NIM1K: variants seen among roughly 807,000 people sequenced by gnomAD.
NIM1K encodes serine/threonine-protein kinase NIM1.
NIM1K carries 35 observed loss-of-function variants against 37.1 expected under a neutral mutation model. That is an observed-to-expected ratio of 0.94 (90% CI 0.72 to 1.25). The LOEUF (loss-of-function observed/expected upper bound fraction) is 1.25. Among genes scored for constraint, NIM1K ranks in the 50% most tolerant of loss-of-function variants. NIM1K has a pLI of 0.00. For synonymous variants in NIM1K, 234 were observed against 206.6 expected (o/e 1.13, Z -1.14); for missense variants, 564 against 548.0 (o/e 1.03, Z -0.29).
intron 1 of NIM1K, among the ~76,000 whole-genome samples, chr5:43,213,186 T>C (rs1405419902): frequency 1.9e-4 from 13 of 67,690 alleles, no homozygotes; most frequent in Admixed American, 1.3e-4. Flanking sequence ...TCTTTCTTTC[T>C]TTCTTTCTTT....
chr5:43,252,443 A>G (rs1013611223), intron 2 of NIM1K, among the ~76,000 whole-genome samples: 1 of 152,168 alleles, frequency 6.6e-6, no homozygotes, highest in Non-Finnish European at 1.5e-5. Flanking sequence ...CACCAAACCA[A>G]CTTGCCCAGA....
chr5:43,195,661 C>CAA lies in NIM1K; in HGVS notation c.-695+3268_-695+3269dup, dbSNP rs10556161. Among the ~76,000 whole-genome samples the CAA allele has an allele frequency of 1.5e-3, 164 of 112,038 alleles. 1 individual carries two copies. Among genetic ancestry groups the CAA allele is most frequent in the African/African-American group, 4.3e-3 (126 of 29,558 alleles). 73.5% of individuals were successfully genotyped at this position (112,038 alleles called of 152,430 possible). A position where few individuals can be genotyped will look rare whatever the true frequency, so the allele number is the denominator to read the frequency against. ...GGGAGACACAGAAAGACTCTGAATC[C>CAA]AAAAAAAAAAAAAAAAAAAGTGATT... On this transcript the variant is annotated intron_variant, in intron 1 of 3. Transcript: ENST00000326035.
intron 2 of NIM1K, among the ~76,000 whole-genome samples, chr5:43,260,422 A>AT (rs1753009760): frequency 1.3e-5 from 2 of 151,882 alleles, no homozygotes; most frequent in Non-Finnish European, 2.9e-5. Context: ...GTTTGTTGTC[A>AT]TTGTTTTTGT....
At chr5:43,276,773 A>G (rs1437094774) in intron 2 of NIM1K, among the ~76,000 whole-genome samples, 1 of 152,250 alleles carries the variant, frequency 6.6e-6, no homozygotes, top group Non-Finnish European at 1.5e-5. Context: ...GGTCTCATCA[A>G]GAAGTTCTCT....
At chr5:43,206,916 T>C in intron 1 of NIM1K, 1 of 770,222 alleles carries the variant, frequency 1.3e-6, no homozygotes. Flanking sequence ...ATTGTGTTGC[T>C]GGATCTTCAG....
chr5:43,213,472 G>A (rs1264942096), intron 1 of NIM1K, among the ~76,000 whole-genome samples: 2 of 151,298 alleles, frequency 1.3e-5, no homozygotes, highest in African/African-American at 4.9e-5. Flanking sequence ...TGGGATTACC[G>A]GCATGCACCA....
intron 2 of NIM1K, among the ~76,000 whole-genome samples, chr5:43,263,849 T>C (rs146788574): frequency 0.012 from 1,882 of 152,340 alleles, 48 homozygotes; most frequent in East Asian, 0.089. Context: ...TCAAAGGACA[T>C]CTTTATTTCT....
chr5:43,202,226 C>A (rs1211623021), intron 1 of NIM1K, among the ~76,000 whole-genome samples: 1 of 151,966 alleles, frequency 6.6e-6, no homozygotes, highest in Non-Finnish European at 1.5e-5. Context: ...CTCTGTCATG[C>A]AGACTGGAGT....
chr5:43,253,682 C>T (rs1211820960), intron 2 of NIM1K, among the ~76,000 whole-genome samples: 6 of 148,954 alleles, frequency 4.0e-5, no homozygotes, highest in Non-Finnish European at 5.9e-5. Context: ...TTTTTTGAGA[C>T]GGAGTCTTGC....
chr5:43,270,303 T>A (rs550341732), intron 2 of NIM1K, among the ~76,000 whole-genome samples: 2 of 152,184 alleles, frequency 1.3e-5, no homozygotes, highest in East Asian at 3.9e-4. Context: ...GAAAGAAAGC[T>A]TTTTTGGAGG....
chr5:43,278,520 C>T (rs533320860), intron 3 of NIM1K, among the ~76,000 whole-genome samples: 1 of 152,264 alleles, frequency 6.6e-6, no homozygotes, highest in Non-Finnish European at 1.5e-5. Context: ...ACTTTTACTA[C>T]CAAAAGTTTT....
intron 1 of NIM1K, among the ~76,000 whole-genome samples, chr5:43,208,007 G>A (rs1403097508): frequency 6.6e-6 from 1 of 152,132 alleles, no homozygotes; most frequent in Admixed American, 6.5e-5. Flanking sequence ...TTTTTTGAAA[G>A]TCAGCTGAAG....
intron 1 of NIM1K, chr5:43,232,351 CAG>C: frequency 1.5e-6 from 2 of 1,333,302 alleles, no homozygotes; most frequent in Non-Finnish European, 2.2e-6. Flanking sequence ...GCAGAGATGA[CAG>C]GGCATATGTG....
In NIM1K at chr5:43,196,355, G is replaced by A. The variant is rs969397739; in HGVS notation, c.-695+3944G>A. Among the ~76,000 whole-genome samples, 11 of 152,194 alleles carry A rather than the reference G, an allele frequency of 7.2e-5. No individual in the cohort carries two copies. In the East Asian group the frequency reaches 2.1e-3, roughly 29 times the overall value. ...ATTAAAAGCTTATAACTGGCTGGGC[G>A]CGGTGGCTTACGCCTGTAATCCCAG... On this transcript the variant is annotated intron_variant, in intron 1 of 3. Transcript: ENST00000326035.
chr5:43,195,884 G>A (rs188184558), intron 1 of NIM1K, among the ~76,000 whole-genome samples: 3 of 152,212 alleles, frequency 2.0e-5, no homozygotes, highest in East Asian at 1.9e-4. Flanking sequence ...AAGTAAAAGC[G>A]AAAACATCAA....
intron 2 of NIM1K, among the ~76,000 whole-genome samples, chr5:43,260,376 C>T (rs941212844): frequency 2.6e-5 from 4 of 152,032 alleles, no homozygotes; most frequent in Admixed American, 6.6e-5. Flanking sequence ...TGATATATGG[C>T]TTTTGTTATT....
At position 43,255,613 on chromosome 5, in the gene NIM1K, G is replaced by T. The variant is rs1440656995; in HGVS notation, c.292+9546G>T. Among the ~76,000 whole-genome samples, 3 of 151,968 alleles carry T rather than the reference G, an allele frequency of 2.0e-5. No individual in the cohort carries two copies. In the East Asian group the frequency reaches 5.8e-4, roughly 29 times the overall value. On this transcript the variant is annotated intron_variant, in intron 2 of 3. Transcript: ENST00000326035. ...AAAATACAAAAATTAGCTGGGCATGGTGGTGTGCACCTTTAGTCTCAGCTA... is the reference window on the plus strand; with the variant it reads ...AAAATACAAAAATTAGCTGGGCATGTTGGTGTGCACCTTTAGTCTCAGCTA...
chr5:43,238,859 C>T (rs1399645339), intron 1 of NIM1K, among the ~76,000 whole-genome samples: 1 of 149,992 alleles, frequency 6.7e-6, no homozygotes, highest in Non-Finnish European at 1.5e-5. Flanking sequence ...GATTCTACAA[C>T]ACAGACTTTT....
At chr5:43,262,460 A>G (rs546045898) in intron 2 of NIM1K, among the ~76,000 whole-genome samples, 14 of 152,340 alleles carry the variant, frequency 9.2e-5, no homozygotes, top group African/African-American at 3.4e-4. Flanking sequence ...CTGATTTTGT[A>G]TCCTGAGACT....
Sources: gnomAD v4.1 joint callset for allele counts (sites outside exome capture counted in the v4.1 genomes callset) on GRCh38, gnomAD v4.1.1 for gene constraint, MANE v1.5 for transcripts, NCBI Gene and HGNC (gene_info 2026-07-23, HGNC 2026-07-21) for gene names.